Variants in AHI1 observed in about 807,000 individuals in gnomAD.
The protein encoded by AHI1 is Abelson helper integration site 1.
AHI1 carries 123 observed loss-of-function variants against 149.3 expected under a neutral mutation model. That is an observed-to-expected ratio of 0.82 (90% CI 0.71 to 0.96). AHI1 has a LOEUF of 0.96. Among genes scored for constraint, AHI1 ranks in the 40% least tolerant of loss-of-function variants. The pLI is 0.00. For missense variants in AHI1, 1,439 were observed against 1,422.7 expected, an observed-to-expected ratio of 1.01 and a Z score of -0.18; for synonymous variants, 475 against 459.8, an observed-to-expected ratio of 1.03 and a Z score of -0.42.
In AHI1 at chr6:135,442,665, C is replaced by G. The variant is rs374009466; in HGVS notation, c.1829G>C (p.Arg610Pro). The change falls in exon 14 of 29, where the codon CGA (arginine) becomes CCA (proline). Residue 610 changes from arginine to proline, a missense_variant. Arg to Pro is a moderately radical substitution (Grantham distance 103, BLOSUM62 -2). Coordinates refer to ENST00000265602, the MANE Select transcript of AHI1 (RefSeq NM_001134831.2). ...GGAGAAATCAAGACAAAAACATCCT[C>G]GTTCTCCTGCATTTAGTGAGAAGAG... Reference protein sequence around the residue: ...KHLFSLNAGERGCFCLDFSHN... With the variant: ...KHLFSLNAGEPGCFCLDFSHN... The G allele has an allele frequency of 6.8e-6, 11 of 1,611,136 alleles. No homozygotes were observed. The highest frequency in any genetic ancestry group is 3.3e-4 in the Middle Eastern group (2 of 6,070).
chr6:135,352,079 A>T (rs1792200098), intron 24 of AHI1, among the ~76,000 whole-genome samples: 1 of 152,136 alleles, frequency 6.6e-6, no homozygotes, highest in Admixed American at 6.5e-5. Context: ...TCCTTATTTA[A>T]ATCCTTATCA....
At chr6:135,493,248 C>A (rs925394544) in intron 3 of AHI1, among the ~76,000 whole-genome samples, 6 of 152,226 alleles carry the variant, frequency 3.9e-5, no homozygotes, top group South Asian at 2.1e-4. Context: ...ATCTGCCCGA[C>A]TCAGCCTCCC....
intron 26 of AHI1, among the ~76,000 whole-genome samples, chr6:135,308,642 C>A (rs1784802238): frequency 6.6e-6 from 1 of 152,168 alleles, no homozygotes; most frequent in African/African-American, 2.4e-5. Flanking sequence ...AATGGAAGAT[C>A]TGTGTAAGAA....
At chr6:135,285,739 G>C in intron 28 of AHI1, 92 bp from the exon 29 acceptor site, 1 of 1,029,840 alleles carries the variant, frequency 9.7e-7, no homozygotes, top group Non-Finnish European at 1.5e-6. Flanking sequence ...CAACAGCACA[G>C]GTAATAAAGG....
rs561007849 is a variant in AHI1, at chr6:135,432,820, T to C, written c.2266+207A>G. Among the ~76,000 whole-genome samples the C allele has an allele frequency of 1.2e-3, 186 of 152,294 alleles. 1 individual carries two copies. Among genetic ancestry groups the C allele is most frequent in the African/African-American group, 4.1e-3 (171 of 41,548 alleles). On this transcript the variant is annotated intron_variant, in intron 16 of 28. Transcript: ENST00000265602. ...GACTGGTTGTTATAGCAAAGATTAA[T>C]TGAATCTAAATGTTTAAGAATTTAA... is the stretch of plus-strand genomic sequence containing the variant.
intron 13 of AHI1, among the ~76,000 whole-genome samples, chr6:135,446,322 G>T (rs914682141): frequency 6.6e-6 from 1 of 152,128 alleles, no homozygotes; most frequent in African/African-American, 2.4e-5. Flanking sequence ...AGACAACAGG[G>T]GCGTGCATGC....
chr6:135,427,087 G>A (rs1188599246), intron 20 of AHI1, 80 bp downstream of exon 20: 2 of 1,403,672 alleles, frequency 1.4e-6, no homozygotes, highest in South Asian at 1.3e-5. Context: ...GTCAACATTT[G>A]AATTCCAGAC....
At chr6:135,289,136 G>A (rs748484748) in intron 28 of AHI1, among the ~76,000 whole-genome samples, 7 of 149,164 alleles carry the variant, frequency 4.7e-5, no homozygotes, top group Non-Finnish European at 1.0e-4. Flanking sequence ...TCTTTGTCCC[G>A]TTTTTCTACT....
chr6:135,395,181 T>C (rs1273902464), intron 22 of AHI1, among the ~76,000 whole-genome samples: 1 of 152,036 alleles, frequency 6.6e-6, no homozygotes, highest in Non-Finnish European at 1.5e-5. Context: ...TCTTAAGTTA[T>C]GCAAAGTAAT....
chr6:135,303,515 C>T (rs1164098809), intron 26 of AHI1, among the ~76,000 whole-genome samples: 1 of 150,066 alleles, frequency 6.7e-6, no homozygotes, highest in Admixed American at 6.6e-5. Flanking sequence ...GTCATTAACT[C>T]TGTGTGGCCT....
intron 23 of AHI1, among the ~76,000 whole-genome samples, chr6:135,386,023 A>G (rs1777526817): frequency 6.6e-6 from 1 of 152,198 alleles, no homozygotes; most frequent in Non-Finnish European, 1.5e-5. Flanking sequence ...TACTTCTAAC[A>G]AAAAACTGTT....
intron 24 of AHI1, among the ~76,000 whole-genome samples, chr6:135,328,162 C>T (rs1470221519): frequency 1.3e-5 from 2 of 152,156 alleles, no homozygotes; most frequent in Non-Finnish European, 2.9e-5. Flanking sequence ...GTAGAGGGTA[C>T]TAGAATTGAA....
chr6:135,317,919 T>A (rs755717987), intron 26 of AHI1, among the ~76,000 whole-genome samples: 13 of 152,194 alleles, frequency 8.5e-5, no homozygotes, highest in African/African-American at 2.9e-4. Flanking sequence ...TAGTAAGCAA[T>A]ATACATGATA....
At chr6:135,327,307 C>T (rs184924705) in intron 24 of AHI1, among the ~76,000 whole-genome samples, 19 of 152,246 alleles carry the variant, frequency 1.2e-4, no homozygotes, top group Middle Eastern at 3.4e-3. Context: ...CTTACAGAAC[C>T]GTTTTCCACA....
intron 20 of AHI1, among the ~76,000 whole-genome samples, chr6:135,423,781 T>TAC (rs1783551325): frequency 6.6e-6 from 1 of 152,150 alleles, no homozygotes; most frequent in Admixed American, 6.6e-5. Context: ...TACTCTGTTA[T>TAC]TAACTCTGGT....
chr6:135,302,403 GAAT>G (rs1783989013), intron 26 of AHI1: 1 of 989,182 alleles, frequency 1.0e-6, no homozygotes, highest in Non-Finnish European at 1.2e-6. Context: ...CCTGAAAAAT[GAAT>G]AATATGTTGC....
intron 23 of AHI1, among the ~76,000 whole-genome samples, chr6:135,375,655 T>C (rs1424734792): frequency 6.6e-6 from 1 of 152,240 alleles, no homozygotes; most frequent in African/African-American, 2.4e-5. Context: ...CTCCCTATTA[T>C]GTCAAACGAA....
rs749131853 is a variant in AHI1 at position 135,427,143 on chromosome 6, T to TTA, written c.2764+22_2764+23dup. On this transcript the variant is annotated intron_variant, in intron 20 of 28. Coordinates refer to ENST00000265602, the MANE Select transcript of AHI1 (RefSeq NM_001134831.2). ...ATGTAAAGGTTACTCTAAAAATTCT[T>TTA]TACTTATCAAGTGGTAGACTTACCA... is the stretch of plus-strand genomic sequence containing the variant. 2.4e-5 allele frequency: 38 copies of TTA among 1,601,992 alleles called. No individual in the cohort carries two copies. The East Asian group carries it at 8.5e-4, about 36-fold the overall frequency.
intron 23 of AHI1, among the ~76,000 whole-genome samples, chr6:135,373,093 G>A (rs1247991052): frequency 6.6e-6 from 1 of 152,182 alleles, no homozygotes; most frequent in Non-Finnish European, 1.5e-5. Context: ...TTTAAAAAAC[G>A]TTAATTTACC....
Sources: allele counts gnomAD v4.1 joint callset (sites outside exome capture counted in the v4.1 genomes callset), GRCh38; gene constraint gnomAD v4.1.1; transcripts MANE v1.5; gene names NCBI Gene and HGNC (gene_info 2026-07-23, HGNC 2026-07-21).